SIK2: variants seen among roughly 807,000 people sequenced by gnomAD.
SIK2 encodes the protein serine/threonine-protein kinase SIK2.
In SIK2, 29 loss-of-function variants were observed where a neutral mutation model predicts 103.2. The observed-to-expected ratio is 0.28, with a 90% confidence interval of 0.21 to 0.38. The LOEUF (loss-of-function observed/expected upper bound fraction) is 0.38, where lower values mean the gene tolerates loss of function less well. Ranked by LOEUF, SIK2 falls within the 10% of genes least tolerant of loss-of-function variation. The pLI, the probability that SIK2 is intolerant of heterozygous loss-of-function variation, is 1.00. For missense variants in SIK2, 879 were observed against 1,171.0 expected (o/e 0.75, Z 3.64); for synonymous variants, 412 against 446.1 (o/e 0.92, Z 0.96).
intron 3 of SIK2, chr11:111,683,065 CAAG>C (rs1400250815): frequency 6.6e-6 from 1 of 152,062 alleles, no homozygotes; most frequent in Non-Finnish European, 1.5e-5. Context: ...ACATAGGAAA[CAAG>C]AATTTTCTAA....
At chr11:111,640,675 C>T (rs545406095) in intron 3 of SIK2, among the ~76,000 whole-genome samples, 80 of 145,118 alleles carry the variant, frequency 5.5e-4, no homozygotes, top group African/African-American at 2.0e-3. Context: ...ATAAGTGCTA[C>T]GGGAAACTAT....
At chr11:111,720,069 A>G (rs778812093) in intron 10 of SIK2, 66 bp downstream of exon 10, 159 of 1,490,378 alleles carry the variant, frequency 1.1e-4, no homozygotes, top group Non-Finnish European at 1.3e-4. Flanking sequence ...ATTGCCAACA[A>G]GTGGTCACGA....
rs1257922254 is a variant in SIK2, at chr11:111,726,166, C to T, written c.*2037C>T. ...GAAGACGTTTTCCCAAAATATACTA[C>T]AGAAGTGCTACAATATTTGCGATAT... On this transcript the variant is annotated 3_prime_UTR_variant, in exon 15 of 15. Transcript: ENST00000304987. The T allele has an allele frequency of 1.3e-5, 2 of 152,154 alleles. No individual in the cohort carries two copies. The highest frequency in any genetic ancestry group is 1.3e-4 in the Admixed American group (2 of 15,282). 9.4% of individuals were successfully genotyped at this position (152,154 alleles called of 1,614,324 possible).
chr11:111,694,578 T>C (rs957621832), intron 4 of SIK2, among the ~76,000 whole-genome samples: 1 of 152,150 alleles, frequency 6.6e-6, no homozygotes, highest in Non-Finnish European at 1.5e-5. Flanking sequence ...GAGGCAAAGA[T>C]AGGAAAAATA....
chr11:111,665,385 T>C (rs1293021992), intron 3 of SIK2, among the ~76,000 whole-genome samples: 4 of 151,798 alleles, frequency 2.6e-5, no homozygotes, highest in Non-Finnish European at 5.9e-5. Flanking sequence ...CTTCTGAGGT[T>C]GGAGGAAAGT....
chr11:111,659,034 A>G (rs917620188), intron 3 of SIK2, among the ~76,000 whole-genome samples: 1 of 152,196 alleles, frequency 6.6e-6, no homozygotes, highest in African/African-American at 2.4e-5. Flanking sequence ...TATTAATACT[A>G]TCTATAGAAC....
chr11:111,725,477 G>GCTAA lies in SIK2; in HGVS notation c.*1351_*1354dup, dbSNP rs1943936725. The GCTAA allele has an allele frequency of 6.6e-6, 1 of 152,504 alleles. No homozygotes were observed. The highest frequency in any genetic ancestry group is 2.1e-4 in the South Asian group (1 of 4,836). 9.4% of individuals were successfully genotyped at this position (152,504 alleles called of 1,614,324 possible). ...AAGTAAAAATTAGATGCTACAGCTA[G>GCTAA]CTAACTGTATCCCTAGAAATGATGA... On this transcript the variant is annotated 3_prime_UTR_variant, in exon 15 of 15. Coordinates refer to ENST00000304987, the MANE Select transcript of SIK2 (RefSeq NM_015191.3).
intron 3 of SIK2, among the ~76,000 whole-genome samples, chr11:111,634,137 C>T (rs513425): frequency 0.61 from 92,049 of 151,970 alleles, 31,135 homozygotes; most frequent in East Asian, 0.96. Context: ...GATTTCTGCT[C>T]CTTGATATGC....
intron 3 of SIK2, among the ~76,000 whole-genome samples, chr11:111,638,580 T>G (rs1313896898): frequency 1.3e-5 from 2 of 152,186 alleles, no homozygotes; most frequent in Non-Finnish European, 2.9e-5. Flanking sequence ...AGTGAGATTT[T>G]TTTTGTTTCC....
intron 8 of SIK2, among the ~76,000 whole-genome samples, chr11:111,709,307 T>TTAACCTTAA (rs1471160868): frequency 6.6e-6 from 1 of 152,196 alleles, no homozygotes; most frequent in Non-Finnish European, 1.5e-5. Context: ...AGGACCTCAT[T>TTAACCTTAA]TAACCTTAAT....
intron 3 of SIK2, among the ~76,000 whole-genome samples, chr11:111,629,248 T>G (rs1047458242): frequency 1.3e-5 from 2 of 152,232 alleles, no homozygotes; most frequent in African/African-American, 4.8e-5. Context: ...GATTTATTTT[T>G]TAAAACCTTA....
In SIK2 at chr11:111,637,746, G is replaced by A. The variant is rs148632337; in HGVS notation, c.316+17344G>A. Among the ~76,000 whole-genome samples, 997 of 152,228 alleles carry A rather than the reference G, an allele frequency of 6.5e-3. 8 individuals carry two copies. Among genetic ancestry groups the A allele is most frequent in the Middle Eastern group, 0.054 (16 of 294 alleles). ...CAAAGTGCTGGGATTACAGGCATGA[G>A]CCACTGCACCCAGCCTATAATATCT... On this transcript the variant is annotated intron_variant, in intron 3 of 14. Coordinates refer to ENST00000304987, the MANE Select transcript of SIK2 (RefSeq NM_015191.3).
chr11:111,711,735 G>A (rs370964064), intron 8 of SIK2, among the ~76,000 whole-genome samples: 3 of 152,174 alleles, frequency 2.0e-5, no homozygotes, highest in South Asian at 2.1e-4. Flanking sequence ...CCAAAAAGGC[G>A]GGTAGGGCAG....
intron 3 of SIK2, among the ~76,000 whole-genome samples, chr11:111,625,026 G>C (rs1941943337): frequency 6.6e-6 from 1 of 152,150 alleles, no homozygotes; most frequent in South Asian, 2.1e-4. Context: ...TATGGCTCAA[G>C]AGGAGCAAGC....
At chr11:111,639,639 G>A (rs1942155091) in intron 3 of SIK2, among the ~76,000 whole-genome samples, 1 of 152,166 alleles carries the variant, frequency 6.6e-6, no homozygotes, top group Non-Finnish European at 1.5e-5. Flanking sequence ...TGCTGAAGTT[G>A]TTTTCTGCCT....
intron 3 of SIK2, among the ~76,000 whole-genome samples, chr11:111,625,031 G>A (rs1239032114): frequency 6.6e-6 from 1 of 152,114 alleles, no homozygotes; most frequent in Admixed American, 6.5e-5. Context: ...CTCAAGAGGA[G>A]CAAGCAAGAG....
chr11:111,618,118 C>T (rs1187707746), intron 2 of SIK2, among the ~76,000 whole-genome samples: 1 of 152,076 alleles, frequency 6.6e-6, no homozygotes, highest in East Asian at 1.9e-4. Flanking sequence ...AATTATTCTA[C>T]CTCAGCATTA....
chr11:111,697,891 T>A (rs1191417922), intron 4 of SIK2, among the ~76,000 whole-genome samples: 1 of 151,992 alleles, frequency 6.6e-6, no homozygotes, highest in African/African-American at 2.4e-5. Flanking sequence ...GAGTCTATGG[T>A]CCCAGCTGCT....
chr11:111,725,801 C>T lies in SIK2; in HGVS notation c.*1672C>T, dbSNP rs1943946600. 2 of 152,702 alleles carry T rather than the reference C, an allele frequency of 1.3e-5. No homozygotes were observed. The allele number at this position is 152,702 out of a possible 1,614,324, so 9.5% of individuals were successfully genotyped here. On this transcript the variant is annotated 3_prime_UTR_variant, in exon 15 of 15. Coordinates refer to ENST00000304987, the MANE Select transcript of SIK2 (RefSeq NM_015191.3). ...ACCAACGTCGGTAACTTGAGCAGTCCCTGTTGCTGGCCAGAGACTGCCTGG... is the reference window on the plus strand; with the variant it reads ...ACCAACGTCGGTAACTTGAGCAGTCTCTGTTGCTGGCCAGAGACTGCCTGG...
Sources: allele counts gnomAD v4.1 joint callset (sites outside exome capture counted in the v4.1 genomes callset), GRCh38; gene constraint gnomAD v4.1.1; transcripts MANE v1.5; gene names NCBI Gene and HGNC (gene_info 2026-07-23, HGNC 2026-07-21).